The following PAF1 variants were observed in gnomAD, a reference collection of about 807,000 sequenced individuals.
The protein encoded by PAF1 is RNA polymerase II-associated factor 1 homolog.
PAF1 carries 31 observed loss-of-function variants against 68.4 expected under a neutral mutation model. The ratio of observed to expected loss-of-function variants is 0.45; its 90% CI spans 0.34 to 0.61. The LOEUF is 0.61. Ranked by LOEUF, PAF1 falls within the 20% of genes least tolerant of loss-of-function variation. The pLI is 0.01. For synonymous variants in PAF1, 256 were observed against 240.5 expected (o/e 1.06, Z -0.60); for missense variants, 435 against 692.9 (o/e 0.63, Z 4.18).
rs2078369064 is a variant in PAF1, at chr19:39,391,080, G to T, written c.-216C>A. 1.6e-6 allele frequency: 1 copy of T among 631,158 alleles called. No homozygotes were observed. Among genetic ancestry groups the T allele is most frequent in the Non-Finnish European group, 2.7e-6 (1 of 366,992 alleles). 39.1% of individuals were successfully genotyped at this position (631,158 alleles called of 1,614,324 possible). On this transcript the variant is annotated 5_prime_UTR_variant, in exon 1 of 14. Coordinates refer to ENST00000221265, the MANE Select transcript of PAF1 (RefSeq NM_019088.4). ...GCACCGGGGACGGACTCGAAGCTCCGGTTCCACCAACTGCCGCCAAGACGC... is the reference window on the plus strand; with the variant it reads ...GCACCGGGGACGGACTCGAAGCTCCTGTTCCACCAACTGCCGCCAAGACGC...
rs1010301325 is a variant in PAF1 at position 39,389,530 on chromosome 19, A to C, written c.309T>G (p.Ala103=). The change falls in exon 5 of 14, where the codon GCT becomes GCG. Residue 103 remains alanine, a synonymous_variant. Coordinates refer to ENST00000221265, the MANE Select transcript of PAF1 (RefSeq NM_019088.4). This position sits in a 1 kb window ranked among gnomAD's most constrained non-coding sequence, Gnocchi z 5.3. ...TCTCCTCTTCCAAAAGTTTCTCATC[A>C]GCTGGATCTAGAAGAACTAGAGGAG... ...RIDPNVLLDP[A]DEKLLEEEIQ... The C allele has an allele frequency of 2.5e-6, 4 of 1,614,066 alleles. No individual in the cohort carries two copies. The Admixed American group carries it at 6.7e-5, about 27-fold the overall frequency.
Position 39,386,557 on chromosome 19 carries a change from G to A in PAF1, c.1108C>T (p.Gln370Ter), listed in dbSNP as rs1403755108. 1 of 1,614,054 alleles carries A rather than the reference G, an allele frequency of 6.2e-7. No homozygotes were observed. Among genetic ancestry groups the A allele is most frequent in the Non-Finnish European group, 8.5e-7 (1 of 1,180,004 alleles). The change falls in exon 13 of 14, where the codon CAG (glutamine) becomes TAG (stop). Residue 370 changes from glutamine to a stop codon, truncating the protein, a stop_gained. Coordinates refer to ENST00000221265, the MANE Select transcript of PAF1 (RefSeq NM_019088.4). LOFTEE classifies it high-confidence loss of function. The surrounding 1 kb of genome is among the most constrained non-coding windows in gnomAD (Gnocchi z 6.1). Reference sequence around the variant, plus strand: ...TCCTCCGGTTCGTGGTTTTCTAGCTGGGCCTTCCGTGCCTCCTGGAAGCAG... The same window carrying A: ...TCCTCCGGTTCGTGGTTTTCTAGCTAGGCCTTCCGTGCCTCCTGGAAGCAG... ...ELEAQEARKA[Q>*]LENHEPEEEE...
Position 39,386,629 on chromosome 19 carries a change from C to CGAGGG in PAF1, c.1093-58_1093-57insCCCTC. 6 of 1,601,810 alleles carry CGAGGG rather than the reference C, an allele frequency of 3.7e-6. No individual in the cohort carries two copies. Among genetic ancestry groups the CGAGGG allele is most frequent in the Non-Finnish European group, 5.1e-6 (6 of 1,168,916 alleles). On this transcript the variant is annotated intron_variant, in intron 12 of 13. Transcript: ENST00000221265. The surrounding 1 kb of genome is among the most constrained non-coding windows in gnomAD (Gnocchi z 6.1). Reference sequence around the variant, plus strand: ...GAGGGTGTTCTGCTGGGTTTTTGTCCCCCTCCTCACCTACAACCACCACCC... The same window carrying CGAGGG: ...GAGGGTGTTCTGCTGGGTTTTTGTCCGAGGGCCCTCCTCACCTACAACCACCACCC...
chr19:39,386,651 AC>A lies in PAF1; in HGVS notation c.1092+42del. 1 of 1,598,424 alleles carries A rather than the reference AC, an allele frequency of 6.3e-7. No individual in the cohort carries two copies. The highest frequency in any genetic ancestry group is 8.6e-7 in the Non-Finnish European group (1 of 1,166,130). On this transcript the variant is annotated intron_variant, in intron 12 of 13. Coordinates refer to ENST00000221265, the MANE Select transcript of PAF1 (RefSeq NM_019088.4). This position sits in a 1 kb window ranked among gnomAD's most constrained non-coding sequence, Gnocchi z 6.1. ...GTCCCCCTCCTCACCTACAACCACCACCCTCCCTGCCATGGGTGCCCTGAGC... is the reference window on the plus strand; with the variant it reads ...GTCCCCCTCCTCACCTACAACCACCACCTCCCTGCCATGGGTGCCCTGAGC...
Position 39,389,895 on chromosome 19 carries a change from TC to T in PAF1, c.171-135del. On this transcript the variant is annotated intron_variant, in intron 3 of 13. Transcript: ENST00000221265. This position sits in a 1 kb window ranked among gnomAD's most constrained non-coding sequence, Gnocchi z 5.3. ...CCCATGGCAGAGTCTGAAAGCTGGC[TC>T]CCCAGTGGGAAGGGACTTGGACACT... 2 of 1,286,292 alleles carry T rather than the reference TC, an allele frequency of 1.6e-6. No individual in the cohort carries two copies. Among genetic ancestry groups the T allele is most frequent in the Non-Finnish European group, 2.2e-6 (2 of 893,224 alleles). 79.7% of individuals were successfully genotyped at this position (1,286,292 alleles called of 1,614,324 possible).
intron 11 of PAF1, among the ~76,000 whole-genome samples, chr19:39,387,710 T>C (rs564243451): frequency 1.3e-5 from 2 of 152,344 alleles, no homozygotes; most frequent in East Asian, 3.9e-4. Flanking sequence ...GTTTAAGCAT[T>C]TCATTTAAAA....
Position 39,385,651 on chromosome 19 carries a change from A to C in PAF1, c.*340T>G. The C allele has an allele frequency of 1.9e-6, 1 of 519,638 alleles. No individual in the cohort carries two copies. Among genetic ancestry groups the C allele is most frequent in the South Asian group, 3.2e-5 (1 of 31,186 alleles). 32.2% of individuals were successfully genotyped at this position (519,638 alleles called of 1,614,324 possible). ...TTATTTGTTGGAGTTTCACTTGTTT[A>C]ATGGTCTGGGCTTATTTTGGAAAAA... On this transcript the variant is annotated 3_prime_UTR_variant, in exon 14 of 14. Coordinates refer to ENST00000221265, the MANE Select transcript of PAF1 (RefSeq NM_019088.4).
Position 39,385,639 on chromosome 19 carries a change from T to G in PAF1, c.*352A>C. 1 of 502,898 alleles carries G rather than the reference T, an allele frequency of 2.0e-6. No individual in the cohort carries two copies. Among genetic ancestry groups the G allele is most frequent in the Non-Finnish European group, 3.5e-6 (1 of 287,738 alleles). 31.2% of individuals were successfully genotyped at this position (502,898 alleles called of 1,614,324 possible). ...GTTGGAGAAGACTTATTTGTTGGAG[T>G]TTCACTTGTTTAATGGTCTGGGCTT... is the stretch of plus-strand genomic sequence containing the variant. On this transcript the variant is annotated 3_prime_UTR_variant, in exon 14 of 14. Transcript: ENST00000221265.
Position 39,386,881 on chromosome 19 carries a change from G to T in PAF1, c.987-82C>A. The T allele has an allele frequency of 3.2e-6, 3 of 935,056 alleles. No individual in the cohort carries two copies. Among genetic ancestry groups the T allele is most frequent in the Non-Finnish European group, 3.5e-6 (2 of 569,102 alleles). 57.9% of individuals were successfully genotyped at this position (935,056 alleles called of 1,614,324 possible). ...CCACTTCCCCGCCCCCCAGTGAGGGGTCTGGTCTGACTTGGTTCCCCATCA... is the reference window on the plus strand; with the variant it reads ...CCACTTCCCCGCCCCCCAGTGAGGGTTCTGGTCTGACTTGGTTCCCCATCA... On this transcript the variant is annotated intron_variant, in intron 11 of 13. Coordinates refer to ENST00000221265, the MANE Select transcript of PAF1 (RefSeq NM_019088.4). The surrounding 1 kb of genome is among the most constrained non-coding windows in gnomAD (Gnocchi z 6.1).
Position 39,389,412 on chromosome 19 carries a change from C to A in PAF1, c.360-29G>T. 1 of 1,611,540 alleles carries A rather than the reference C, an allele frequency of 6.2e-7. No individual in the cohort carries two copies. Among genetic ancestry groups the A allele is most frequent in the African/African-American group, 1.3e-5 (1 of 74,996 alleles). ...GGGTGGGAAATCAGGTATCTCAGGA[C>A]CCCACTGCCCTCCTGCTTGTAGGGC... On this transcript the variant is annotated intron_variant, in intron 5 of 13. Transcript: ENST00000221265. The surrounding 1 kb of genome is among the most constrained non-coding windows in gnomAD (Gnocchi z 5.3).
chr19:39,388,638 T>G lies in PAF1; in HGVS notation c.779A>C (p.Tyr260Ser). 6.2e-7 allele frequency: 1 copy of G among 1,614,124 alleles called. No homozygotes were observed. Among genetic ancestry groups the G allele is most frequent in the Non-Finnish European group, 8.5e-7 (1 of 1,180,038 alleles). ...CAACGTCTCTTCTACAGGCAGGAAATAGGCCACAAACTGGTTCCCTTCCTC... is the reference window on the plus strand; with the variant it reads ...CAACGTCTCTTCTACAGGCAGGAAAGAGGCCACAAACTGGTTCCCTTCCTC... ...MDEEGNQFVA[Y>S]FLPVEETLKK... is the part of the protein sequence containing the mutation. The change falls in exon 10 of 14, where the codon TAT becomes TCT. Residue 260 changes from tyrosine (Y) to serine (S), a missense_variant. Coordinates refer to ENST00000221265, the MANE Select transcript of PAF1 (RefSeq NM_019088.4).
intron 1 of PAF1, 23 bp from the exon 2 acceptor site, chr19:39,390,312 T>TC (rs1360716395): frequency 6.2e-7 from 1 of 1,603,114 alleles, no homozygotes; most frequent in Non-Finnish European, 8.5e-7. Context: ...AAAGAAACAG[T>TC]GATAGGTGGA....
intron 1 of PAF1, 66 bp from the exon 2 acceptor site, chr19:39,390,355 T>C (rs770084728): frequency 1.6e-5 from 24 of 1,464,414 alleles, no homozygotes; most frequent in East Asian, 2.4e-5. Flanking sequence ...TGAAAAAGGC[T>C]TCCCCAACCT....
At chr19:39,387,204 T>C in intron 11 of PAF1, 1 of 438,958 alleles carries the variant, frequency 2.3e-6, no homozygotes, top group South Asian at 1.7e-5. Context: ...TACAAGGTTG[T>C]ACAGCATGTG....
intron 11 of PAF1, among the ~76,000 whole-genome samples, chr19:39,387,700 G>C (rs1171414974): frequency 6.6e-6 from 1 of 152,192 alleles, no homozygotes; most frequent in East Asian, 1.9e-4. Context: ...TTGAACATGG[G>C]TTTAAGCATT....
At chr19:39,387,663 TA>T (rs1161971067) in intron 11 of PAF1, among the ~76,000 whole-genome samples, 2 of 152,222 alleles carry the variant, frequency 1.3e-5, no homozygotes, top group African/African-American at 4.8e-5. Flanking sequence ...CTTTGAGCCA[TA>T]AGGGAAGAGT....
chr19:39,390,042 A>C, intron 3 of PAF1, 27 bp downstream of exon 3: 1 of 1,563,874 alleles, frequency 6.4e-7, no homozygotes, highest in Non-Finnish European at 8.8e-7. Flanking sequence ...CTCATACCTG[A>C]GTAGTTTTCC....
rs749189084 is a variant in PAF1 at position 39,386,605 on chromosome 19, AG to A, written c.1093-34del. Reference sequence around the variant, plus strand: ...CAGCAAGATTGGAATGAGGGGAAGGAGGGTGTTCTGCTGGGTTTTTGTCCCC... The same window carrying A: ...CAGCAAGATTGGAATGAGGGGAAGGAGGTGTTCTGCTGGGTTTTTGTCCCC... On this transcript the variant is annotated intron_variant, in intron 12 of 13. Coordinates refer to ENST00000221265, the MANE Select transcript of PAF1 (RefSeq NM_019088.4). This position sits in a 1 kb window ranked among gnomAD's most constrained non-coding sequence, Gnocchi z 6.1. 6.2e-7 allele frequency: 1 copy of A among 1,611,520 alleles called. No homozygotes were observed. Among genetic ancestry groups the A allele is most frequent in the South Asian group, 1.1e-5 (1 of 91,018 alleles).
Position 39,385,883 on chromosome 19 carries a change from G to C in PAF1, c.*108C>G. 6 of 1,498,078 alleles carry C rather than the reference G, an allele frequency of 4.0e-6. No individual in the cohort carries two copies. The highest frequency in any genetic ancestry group is 5.4e-6 in the Non-Finnish European group (6 of 1,118,380). The allele number at this position is 1,498,078 out of a possible 1,614,324, so 92.8% of individuals were successfully genotyped here. ...GAAGTTGACTTTATTAACAGCAAAG[G>C]TTTGGGGGTGGGGAACAAACAAGTG... is the stretch of plus-strand genomic sequence containing the variant. On this transcript the variant is annotated 3_prime_UTR_variant, in exon 14 of 14. Coordinates refer to ENST00000221265, the MANE Select transcript of PAF1 (RefSeq NM_019088.4).
Sources: gnomAD v4.1 joint callset for allele counts (sites outside exome capture counted in the v4.1 genomes callset) on GRCh38, gnomAD v4.1.1 for gene constraint, Gnocchi (gnomAD v3.1) non-coding constraint, MANE v1.5 for transcripts, NCBI Gene and HGNC (gene_info 2026-07-23, HGNC 2026-07-21) for gene names.